The following PRELP variants were observed in gnomAD, a reference collection of about 807,000 sequenced individuals.
PRELP encodes the protein prolargin.
A neutral mutation model predicts 22.8 loss-of-function variants in PRELP; 16 were observed. That is an observed-to-expected ratio of 0.70 (90% CI 0.47 to 1.06). The LOEUF is 1.06. Among genes scored for constraint, PRELP ranks in the 50% least tolerant of loss-of-function variants. The pLI is 0.00. For missense variants in PRELP, 434 were observed against 485.2 expected (o/e 0.89, Z 0.99); for synonymous variants, 233 against 211.4 (o/e 1.10, Z -0.89).
At chr1:203,481,983 T>A (rs1031090843) in intron 1 of PRELP, among the ~76,000 whole-genome samples, 4 of 152,226 alleles carry the variant, frequency 2.6e-5, no homozygotes, top group Non-Finnish European at 4.4e-5. Flanking sequence ...AGAGAGCTGC[T>A]GAGGTTGGCA....
At position 203,487,016 on chromosome 1, in the gene PRELP, G is replaced by A; in HGVS notation, c.*135G>A. The stretch of plus-strand genomic sequence containing the variant: ...TCCCTTATCCCACCCTCGAGGCAGG[G>A]AAAAGCCATCTATTCTTCTGCAGCC... On this transcript the variant is annotated 3_prime_UTR_variant, in exon 3 of 3. Coordinates refer to ENST00000343110, the MANE Select transcript of PRELP (RefSeq NM_002725.4). The A allele has an allele frequency of 1.9e-6, 2 of 1,065,562 alleles. No individual in the cohort carries two copies. Among genetic ancestry groups the A allele is most frequent in the Non-Finnish European group, 2.6e-6 (2 of 766,328 alleles). 66.0% of individuals were successfully genotyped at this position (1,065,562 alleles called of 1,614,324 possible).
At position 203,489,114 on chromosome 1, in the gene PRELP, A is replaced by G. The variant is rs772078551; in HGVS notation, c.*2233A>G. On this transcript the variant is annotated 3_prime_UTR_variant, in exon 3 of 3. Transcript: ENST00000343110. ...TTCAAGGCTCCTGCTTAAAGTCCAC[A>G]CGTTATTATGGCCGAAAGCAACCTG... The G allele has an allele frequency of 1.3e-5, 2 of 152,502 alleles. No homozygotes were observed. Among genetic ancestry groups the G allele is most frequent in the African/African-American group, 4.8e-5 (2 of 41,402 alleles). The allele number at this position is 152,502 out of a possible 1,614,324, so 9.4% of individuals were successfully genotyped here.
At position 203,489,831 on chromosome 1, in the gene PRELP, C is replaced by A; in HGVS notation, c.*2950C>A. 1 of 152,264 alleles carries A rather than the reference C, an allele frequency of 6.6e-6. No homozygotes were observed. 9.4% of individuals were successfully genotyped at this position (152,264 alleles called of 1,614,324 possible). A position where few individuals can be genotyped will look rare whatever the true frequency, so the allele number is the denominator to read the frequency against. ...AATTGGCTGGGTGCGGTGGTACATG[C>A]CTGTAGTCCCAGCTACTTGGGAGGC... On this transcript the variant is annotated 3_prime_UTR_variant, in exon 3 of 3. Transcript: ENST00000343110.
At position 203,483,560 on chromosome 1, in the gene PRELP, A is replaced by G. The variant is rs1197928059; in HGVS notation, c.376A>G (p.Thr126Ala). Reference sequence around the variant, plus strand: ...CCCGGTGGAGTCCTTCCAGAATGCCACAGGCCTGCGATGGATTAACCTGGA... The same window carrying G: ...CCCGGTGGAGTCCTTCCAGAATGCCGCAGGCCTGCGATGGATTAACCTGGA... ...ELPVESFQNATGLRWINLDNN... is the reference protein window; with the variant it reads ...ELPVESFQNAAGLRWINLDNN... The change falls in exon 2 of 3, where the codon ACA becomes GCA. Residue 126 changes from threonine to alanine, a missense_variant. Thr to Ala is a moderately conservative substitution (Grantham distance 58). Transcript: ENST00000343110. The surrounding 1 kb of genome is among the most constrained non-coding windows in gnomAD (Gnocchi z 4.4). 1 of 1,614,076 alleles carries G rather than the reference A, an allele frequency of 6.2e-7. No individual in the cohort carries two copies. Among genetic ancestry groups the G allele is most frequent in the East Asian group, 2.2e-5 (1 of 44,860 alleles).
chr1:203,480,616 A>G (rs1660983599), intron 1 of PRELP, among the ~76,000 whole-genome samples: 1 of 152,222 alleles, frequency 6.6e-6, no homozygotes, highest in African/African-American at 2.4e-5. Context: ...ACCCCATGAG[A>G]AAAGCCTTAG....
In PRELP at chr1:203,483,748, T is replaced by C; in HGVS notation, c.564T>C (p.Pro188=). Residue 188 remains proline (P), a synonymous_variant, in exon 2 of 3, where the codon CCT becomes CCC. Coordinates refer to ENST00000343110, the MANE Select transcript of PRELP (RefSeq NM_002725.4). The surrounding 1 kb of genome is among the most constrained non-coding windows in gnomAD (Gnocchi z 4.4). ...AGAACCACATCTCCAGAATCCCGCC[T>C]GGTGTCTTCAGCAAGCTGGAGAACC... The part of the protein sequence containing the change: ...LSQNHISRIP[P]GVFSKLENLL... 2 of 1,614,212 alleles carry C rather than the reference T, an allele frequency of 1.2e-6. No individual in the cohort carries two copies. The highest frequency in any genetic ancestry group is 1.7e-6 in the Non-Finnish European group (2 of 1,180,036).
intron 1 of PRELP, among the ~76,000 whole-genome samples, chr1:203,478,745 C>T (rs1293220959): frequency 6.6e-6 from 1 of 152,118 alleles, no homozygotes; most frequent in Admixed American, 6.5e-5. Flanking sequence ...CTGCCCCAGG[C>T]AAGCTCATCC....
intron 2 of PRELP, 117 bp from the exon 3 acceptor site, chr1:203,486,589 A>G: frequency 3.1e-6 from 3 of 966,144 alleles, no homozygotes; most frequent in Non-Finnish European, 4.6e-6. Context: ...TCCCAAAGCT[A>G]GCCAGTTTCA....
At chr1:203,480,751 C>G (rs1030622074) in intron 1 of PRELP, among the ~76,000 whole-genome samples, 3 of 152,134 alleles carry the variant, frequency 2.0e-5, no homozygotes, top group African/African-American at 7.3e-5. Context: ...CTCCTGGGAG[C>G]ATTTCCTGGG....
At position 203,484,093 on chromosome 1, in the gene PRELP, C is replaced by T; in HGVS notation, c.909C>T (p.Ile303=). The change falls in exon 2 of 3, where the codon ATC becomes ATT. Residue 303 remains isoleucine (I), a synonymous_variant. Transcript: ENST00000343110. Reference sequence around the variant, plus strand: ...TGCTCCACCTGTCCCACAACAGGATCAGCAGTGTGCCCGCCATCAACAACA... The same window carrying T: ...TGCTCCACCTGTCCCACAACAGGATTAGCAGTGTGCCCGCCATCAACAACA... ...LLVLHLSHNR[I]SSVPAINNRL... 6.2e-7 allele frequency: 1 copy of T among 1,614,058 alleles called. No homozygotes were observed. Among genetic ancestry groups the T allele is most frequent in the Middle Eastern group, 1.6e-4 (1 of 6,062 alleles).
chr1:203,486,311 T>C (rs563102702), intron 2 of PRELP, among the ~76,000 whole-genome samples: 125 of 96,126 alleles, frequency 1.3e-3, no homozygotes, highest in South Asian at 3.2e-3. Flanking sequence ...GTACATCACA[T>C]TGGGCACTAT....
chr1:203,485,723 A>G (rs1484109569), intron 2 of PRELP, among the ~76,000 whole-genome samples: 1 of 151,410 alleles, frequency 6.6e-6, no homozygotes, highest in East Asian at 2.0e-4. Flanking sequence ...GAGGAAGACA[A>G]TTACAATGAA....
chr1:203,480,969 CT>C (rs1660989206), intron 1 of PRELP, among the ~76,000 whole-genome samples: 1 of 152,148 alleles, frequency 6.6e-6, no homozygotes, highest in South Asian at 2.1e-4. Context: ...CCTCTCACCC[CT>C]GACAATGAAG....
chr1:203,482,495 C>A (rs969639602), intron 1 of PRELP, among the ~76,000 whole-genome samples: 2 of 150,762 alleles, frequency 1.3e-5, no homozygotes, highest in Non-Finnish European at 2.9e-5. Flanking sequence ...TCAGGCTGAT[C>A]TCGAACTCCT....
In PRELP at chr1:203,483,420, G is replaced by T; in HGVS notation, c.236G>T (p.Cys79Phe). 1 of 1,614,032 alleles carries T rather than the reference G, an allele frequency of 6.2e-7. No individual in the cohort carries two copies. Among genetic ancestry groups the T allele is most frequent in the Non-Finnish European group, 8.5e-7 (1 of 1,179,988 alleles). Residue 79 changes from cysteine to phenylalanine, a missense_variant, in exon 2 of 3, where the codon TGC (cysteine) becomes TTC (phenylalanine). Physicochemically the swap from Cys to Phe is radical, Grantham distance 205 (BLOSUM62 -2). Coordinates refer to ENST00000343110, the MANE Select transcript of PRELP (RefSeq NM_002725.4). This position sits in a 1 kb window ranked among gnomAD's most constrained non-coding sequence, Gnocchi z 4.4. ...IFPDCPRECY[C>F]PPDFPSALYC... is the part of the protein sequence containing the mutation. ...CCTGACTGTCCCCGCGAATGCTACT[G>T]CCCCCCTGATTTCCCATCTGCCCTC...
At chr1:203,482,808 A>T (rs1299472500) in intron 1 of PRELP, among the ~76,000 whole-genome samples, 1 of 151,478 alleles carries the variant, frequency 6.6e-6, no homozygotes, top group Admixed American at 6.6e-5. Flanking sequence ...CGTGTTAGCC[A>T]GGATGGTCTC....
chr1:203,486,661 G>A (rs991625658), intron 2 of PRELP, 45 bp from the exon 3 acceptor site: 12 of 1,547,546 alleles, frequency 7.8e-6, no homozygotes, highest in South Asian at 2.3e-5. Flanking sequence ...CATCTTGGCC[G>A]CCAGCCTCCA....
At position 203,483,065 on chromosome 1, in the gene PRELP, C is replaced by T; in HGVS notation, c.-16-104C>T. 2.2e-6 allele frequency: 2 copies of T among 925,364 alleles called. No individual in the cohort carries two copies. The highest frequency in any genetic ancestry group is 2.4e-5 in the Admixed American group (1 of 41,472). 57.3% of individuals were successfully genotyped at this position (925,364 alleles called of 1,614,324 possible). A position where few individuals can be genotyped will look rare whatever the true frequency, so the allele number is the denominator to read the frequency against. Reference sequence around the variant, plus strand: ...CTTCCACAGCTCCCTGAGCTCTGCCCATCTTCCCTAGAGCTCTAGTTCTGC... The same window carrying T: ...CTTCCACAGCTCCCTGAGCTCTGCCTATCTTCCCTAGAGCTCTAGTTCTGC... On this transcript the variant is annotated intron_variant, in intron 1 of 2. Transcript: ENST00000343110. This position sits in a 1 kb window ranked among gnomAD's most constrained non-coding sequence, Gnocchi z 4.4.
At chr1:203,476,263 A>G (rs1403147137) in intron 1 of PRELP, among the ~76,000 whole-genome samples, 2 of 152,224 alleles carry the variant, frequency 1.3e-5, no homozygotes, top group Non-Finnish European at 2.9e-5. Context: ...ACTGGACTCC[A>G]GAACCCATTT....
Sources: allele counts gnomAD v4.1 joint callset (sites outside exome capture counted in the v4.1 genomes callset), GRCh38; gene constraint gnomAD v4.1.1; non-coding constraint Gnocchi (gnomAD v3.1); transcripts MANE v1.5; gene names NCBI Gene and HGNC (gene_info 2026-07-23, HGNC 2026-07-21).